Variants in CABCOCO1 observed in about 807,000 individuals in gnomAD.
CABCOCO1 encodes the protein ciliary associated calcium binding coiled-coil 1.
CABCOCO1 carries 28 observed loss-of-function variants against 35.7 expected under a neutral mutation model. The observed-to-expected ratio is 0.78, with a 90% CI of 0.58 to 1.07. The LOEUF is 1.07. CABCOCO1 is among the 50% of genes least tolerant of loss of function. CABCOCO1 has a pLI of 0.00. For missense variants in CABCOCO1, 326 were observed against 309.2 expected (o/e 1.05, Z -0.41); for synonymous variants, 95 against 100.1 (o/e 0.95, Z 0.30).
intron 1 of CABCOCO1, among the ~76,000 whole-genome samples, chr10:61,666,738 A>G (rs888002678): frequency 4.0e-5 from 6 of 151,750 alleles, no homozygotes; most frequent in African/African-American, 7.3e-5. Flanking sequence ...ATTTCCTTCT[A>G]GAAGTGAATT....
intron 1 of CABCOCO1, among the ~76,000 whole-genome samples, chr10:61,663,817 G>C (rs1257604228): frequency 1.1e-5 from 1 of 91,606 alleles, no homozygotes; most frequent in Non-Finnish European, 2.5e-5. Flanking sequence ...TGCTGTGCCA[G>C]ATATTATAAA....
chr10:61,762,673 T>G (rs1842031820), intron 7 of CABCOCO1, among the ~76,000 whole-genome samples: 2 of 152,028 alleles, frequency 1.3e-5, no homozygotes, highest in South Asian at 4.1e-4. Flanking sequence ...CCTGATAAAT[T>G]GAAAAATGGG....
At chr10:61,678,373 C>A (rs1479092529) in intron 2 of CABCOCO1, among the ~76,000 whole-genome samples, 4 of 152,110 alleles carry the variant, frequency 2.6e-5, no homozygotes, top group African/African-American at 9.7e-5. Flanking sequence ...ATGTCCAGTG[C>A]AAATTAAAGA....
chr10:61,702,929 G>GAA (rs969211084), intron 5 of CABCOCO1, among the ~76,000 whole-genome samples: 1 of 145,568 alleles, frequency 6.9e-6, no homozygotes, highest in African/African-American at 2.5e-5. Flanking sequence ...AAAAAAACAG[G>GAA]AAAAAAAAAA....
chr10:61,709,454 T>G (rs1840672872), intron 5 of CABCOCO1, among the ~76,000 whole-genome samples: 1 of 152,098 alleles, frequency 6.6e-6, no homozygotes, highest in South Asian at 2.1e-4. Context: ...ATGGCTACCA[T>G]GTTTGGATTT....
At chr10:61,707,562 T>C (rs1317897308) in intron 5 of CABCOCO1, among the ~76,000 whole-genome samples, 1 of 152,156 alleles carries the variant, frequency 6.6e-6, no homozygotes, top group Non-Finnish European at 1.5e-5. Context: ...ACCCTAGTAG[T>C]GGCTATTCTC....
At chr10:61,761,459 T>A (rs1035818164) in intron 7 of CABCOCO1, among the ~76,000 whole-genome samples, 3 of 152,048 alleles carry the variant, frequency 2.0e-5, no homozygotes, top group Non-Finnish European at 4.4e-5. Context: ...GGCTAAGCAG[T>A]TTACACCAAT....
At chr10:61,726,943 A>C (rs1341982058) in intron 5 of CABCOCO1, among the ~76,000 whole-genome samples, 1 of 151,888 alleles carries the variant, frequency 6.6e-6, no homozygotes, top group Non-Finnish European at 1.5e-5. Flanking sequence ...CACACCTGTA[A>C]TTCCAGCTCT....
chr10:61,680,310 C>T (rs1390046187), intron 2 of CABCOCO1, among the ~76,000 whole-genome samples: 2 of 116,398 alleles, frequency 1.7e-5, no homozygotes, highest in Admixed American at 2.1e-4. Flanking sequence ...GGCCCTGTCT[C>T]AAAAAAAATA....
chr10:61,728,046 C>T (rs1215520289), intron 5 of CABCOCO1, among the ~76,000 whole-genome samples: 1 of 152,174 alleles, frequency 6.6e-6, no homozygotes, highest in Admixed American at 6.6e-5. Flanking sequence ...GGGTTACACA[C>T]ATCAGTATTT....
At chr10:61,667,314 C>A (rs1166711735) in intron 1 of CABCOCO1, among the ~76,000 whole-genome samples, 1 of 150,614 alleles carries the variant, frequency 6.6e-6, no homozygotes, top group Non-Finnish European at 1.5e-5. Context: ...CTTTTCCACG[C>A]ACTAGTTTGT....
intron 5 of CABCOCO1, among the ~76,000 whole-genome samples, chr10:61,703,435 G>T (rs1283313071): frequency 6.6e-6 from 1 of 151,948 alleles, no homozygotes; most frequent in Non-Finnish European, 1.5e-5. Flanking sequence ...AATGAACCCA[G>T]TTATTTTGCT....
intron 1 of CABCOCO1, among the ~76,000 whole-genome samples, chr10:61,670,646 T>A (rs1354319113): frequency 6.6e-6 from 1 of 152,192 alleles, no homozygotes; most frequent in Non-Finnish European, 1.5e-5. Context: ...GCCCTTATCT[T>A]TTGGAACTCA....
At chr10:61,732,804 T>G (rs572174284) in intron 5 of CABCOCO1, among the ~76,000 whole-genome samples, 2 of 152,214 alleles carry the variant, frequency 1.3e-5, no homozygotes, top group African/African-American at 4.8e-5. Flanking sequence ...TTATATTGAT[T>G]TTAAAAACTC....
At chr10:61,707,900 A>G (rs1275155589) in intron 5 of CABCOCO1, among the ~76,000 whole-genome samples, 1 of 152,010 alleles carries the variant, frequency 6.6e-6, no homozygotes, top group Non-Finnish European at 1.5e-5. Flanking sequence ...TAAGCCCCCC[A>G]CCACAGGTAG....
intron 5 of CABCOCO1, among the ~76,000 whole-genome samples, chr10:61,705,985 G>A (rs1840583320): frequency 6.6e-6 from 1 of 152,148 alleles, no homozygotes; most frequent in Admixed American, 6.5e-5. Flanking sequence ...TTATTTTTCA[G>A]TTAAGCAGCA....
At chr10:61,738,690 G>A (rs1351493476) in intron 5 of CABCOCO1, among the ~76,000 whole-genome samples, 3 of 152,078 alleles carry the variant, frequency 2.0e-5, no homozygotes, top group Non-Finnish European at 2.9e-5. Flanking sequence ...TCTACATTAT[G>A]TCTTAACAAT....
At chr10:61,677,092 T>TAATAATAATAATAATAATAAA (rs1269859238) in intron 2 of CABCOCO1, among the ~76,000 whole-genome samples, 1 of 150,882 alleles carries the variant, frequency 6.6e-6, no homozygotes, top group African/African-American at 2.4e-5. Context: ...ATAATAATAA[T>TAATAATAATAATAATAATAAA]AAATTTTTCT....
At chr10:61,742,164 C>G (rs7086621) in intron 5 of CABCOCO1, among the ~76,000 whole-genome samples, 1 of 151,806 alleles carries the variant, frequency 6.6e-6, no homozygotes, top group African/African-American at 2.4e-5. Context: ...ATTAAGAATG[C>G]CTTCCAGGAT....
Sources: allele counts gnomAD v4.1 joint callset (sites outside exome capture counted in the v4.1 genomes callset), GRCh38; gene constraint gnomAD v4.1.1; transcripts MANE v1.5; gene names NCBI Gene and HGNC (gene_info 2026-07-23, HGNC 2026-07-21).